L3MBTL4: variants seen among roughly 807,000 people sequenced by gnomAD.
L3MBTL4 encodes the protein lethal(3)malignant brain tumor-like protein 4.
L3MBTL4 carries 70 observed loss-of-function variants against 84.5 expected under a neutral mutation model. The observed-to-expected ratio is 0.83, with a 90% CI of 0.68 to 1.01. L3MBTL4 has a LOEUF of 1.01. L3MBTL4 is among the 50% of genes least tolerant of loss of function. The pLI, the probability that L3MBTL4 is intolerant of heterozygous loss-of-function variation, is 0.00. For synonymous variants in L3MBTL4, 274 were observed against 259.8 expected (o/e 1.05, Z -0.52); for missense variants, 715 against 754.8 (o/e 0.95, Z 0.62).
intron 1 of L3MBTL4, among the ~76,000 whole-genome samples, chr18:6,312,782 T>C (rs2050900215): frequency 6.6e-6 from 1 of 152,194 alleles, no homozygotes; most frequent in South Asian, 2.1e-4. Context: ...ATTTATTGAA[T>C]TTACCTTCTT....
At position 5,972,734 on chromosome 18, in the gene L3MBTL4, G is replaced by A. The variant is rs547583016; in HGVS notation, c.1445-3172C>T. ...ATGCTTGTGTGTACTTGCCTCAGGA[G>A]CTCTGTGGCCTAGTGATCTCCCTAC... On this transcript the variant is annotated intron_variant, in intron 16 of 18. Transcript: ENST00000317931. 3.3e-5 allele frequency among the ~76,000 whole-genome samples: 5 copies of A among 152,200 alleles called. No individual in the cohort carries two copies. The East Asian group carries it at 9.6e-4, about 29-fold the overall frequency.
chr18:6,248,569 G>A (rs1405282324), intron 5 of L3MBTL4, among the ~76,000 whole-genome samples: 3 of 152,084 alleles, frequency 2.0e-5, no homozygotes, highest in African/African-American at 4.8e-5. Context: ...ACACCACCTC[G>A]TGGAGGTCAC....
At chr18:6,069,789 T>G (rs2057522072) in intron 16 of L3MBTL4, among the ~76,000 whole-genome samples, 1 of 152,122 alleles carries the variant, frequency 6.6e-6, no homozygotes, top group Admixed American at 6.5e-5. Flanking sequence ...AAAAGATGAC[T>G]CAGATAAATA....
intron 1 of L3MBTL4, among the ~76,000 whole-genome samples, chr18:6,407,717 G>T (rs1374772602): frequency 1.3e-5 from 2 of 152,174 alleles, no homozygotes; most frequent in African/African-American, 2.4e-5. Context: ...GTCACTAGTT[G>T]ACACAAAATC....
intron 16 of L3MBTL4, among the ~76,000 whole-genome samples, chr18:6,014,318 A>G (rs1345850111): frequency 6.6e-6 from 1 of 152,172 alleles, no homozygotes; most frequent in Non-Finnish European, 1.5e-5. Context: ...AAGAAGCCTG[A>G]TTTTCACAGA....
At chr18:6,068,805 A>G (rs2057483846) in intron 16 of L3MBTL4, among the ~76,000 whole-genome samples, 2 of 152,144 alleles carry the variant, frequency 1.3e-5, no homozygotes, top group African/African-American at 4.8e-5. Context: ...TGCACCCAGC[A>G]CTGCAATTGT....
At chr18:6,233,101 C>T (rs938590415) in intron 10 of L3MBTL4, among the ~76,000 whole-genome samples, 1 of 152,000 alleles carries the variant, frequency 6.6e-6, no homozygotes, top group African/African-American at 2.4e-5. Context: ...CAGAAAAGGC[C>T]TTTGACAAAA....
At position 6,312,013 on chromosome 18, in the gene L3MBTL4, T is replaced by C. The variant is rs1467067775; in HGVS notation, c.-47A>G. The stretch of plus-strand genomic sequence containing the variant: ...CTGTACTCACATGGTCTGACACGTA[T>C]TCTTGGTAAGAGGTCTTAGTCATAC... On this transcript the variant is annotated 5_prime_UTR_variant, in exon 2 of 19. Coordinates refer to ENST00000317931, the MANE Select transcript of L3MBTL4 (RefSeq NM_001330559.2). 5.8e-6 allele frequency: 1 copy of C among 172,122 alleles called. No homozygotes were observed. Among genetic ancestry groups the C allele is most frequent in the Non-Finnish European group, 1.2e-5 (1 of 80,476 alleles). The allele number at this position is 172,122 out of a possible 1,614,324, so 10.7% of individuals were successfully genotyped here.
intron 1 of L3MBTL4, among the ~76,000 whole-genome samples, chr18:6,323,636 G>T (rs988606332): frequency 6.6e-6 from 1 of 152,218 alleles, no homozygotes; most frequent in South Asian, 2.1e-4. Context: ...GCCTTCAAGA[G>T]GTGGCCTGGC....
chr18:6,093,675 T>C, intron 14 of L3MBTL4, 147 bp from the exon 15 acceptor site: 2 of 611,958 alleles, frequency 3.3e-6, no homozygotes. Context: ...AATAGTTTCT[T>C]TTCATATTGC....
intron 18 of L3MBTL4, among the ~76,000 whole-genome samples, chr18:5,958,550 CCT>C (rs1162546149): frequency 6.6e-6 from 1 of 152,144 alleles, no homozygotes; most frequent in Non-Finnish European, 1.5e-5. Context: ...TGGGTTTGAT[CCT>C]CCTGATAACC....
intron 1 of L3MBTL4, among the ~76,000 whole-genome samples, chr18:6,409,194 T>A (rs537804134): frequency 2.6e-5 from 4 of 152,334 alleles, no homozygotes; most frequent in Admixed American, 1.3e-4. Flanking sequence ...TGCTCTTGTA[T>A]GAATGGGCTT....
intron 3 of L3MBTL4, among the ~76,000 whole-genome samples, chr18:6,310,383 C>T (rs1343053057): frequency 6.6e-6 from 1 of 152,172 alleles, no homozygotes; most frequent in Non-Finnish European, 1.5e-5. Flanking sequence ...TGTTAATCAC[C>T]CCATTGCCCA....
rs992694853 is a variant in L3MBTL4, at chr18:6,329,151, CTTTTTTTTTT to C, written c.-90-17105_-90-17096del. ...TTTCTTTTGTTTCTTTTTTTCTTTT[CTTTTTTTTTT>C]TTTTTTTTTTGAGACGGAGTTTGGC... On this transcript the variant is annotated intron_variant, in intron 1 of 18. Coordinates refer to ENST00000317931, the MANE Select transcript of L3MBTL4 (RefSeq NM_001330559.2). Among the ~76,000 whole-genome samples the C allele has an allele frequency of 3.2e-5, 4 of 126,554 alleles. No individual in the cohort carries two copies. The South Asian group carries it at 7.7e-4, about 24-fold the overall frequency. 83.0% of individuals were successfully genotyped at this position (126,554 alleles called of 152,430 possible).
At chr18:6,202,792 G>A (rs1021236608) in intron 12 of L3MBTL4, among the ~76,000 whole-genome samples, 1 of 152,160 alleles carries the variant, frequency 6.6e-6, no homozygotes, top group African/African-American at 2.4e-5. Flanking sequence ...TTTGTGTATT[G>A]AGGAGTTCAG....
At chr18:6,279,737 A>G (rs537008588) in intron 4 of L3MBTL4, among the ~76,000 whole-genome samples, 51 of 152,360 alleles carry the variant, frequency 3.3e-4, no homozygotes, top group African/African-American at 1.2e-3. Context: ...ATAATCCCTC[A>G]TGAATACCAC....
intron 16 of L3MBTL4, among the ~76,000 whole-genome samples, chr18:6,055,238 G>GC (rs1377594760): frequency 6.6e-6 from 1 of 152,110 alleles, no homozygotes; most frequent in Non-Finnish European, 1.5e-5. Flanking sequence ...GCACAATGAA[G>GC]CCCCCCAAAG....
chr18:6,296,416 G>C (rs1233526139), intron 4 of L3MBTL4, among the ~76,000 whole-genome samples: 2 of 152,190 alleles, frequency 1.3e-5, no homozygotes, highest in Non-Finnish European at 2.9e-5. Context: ...TTAGGTAGGA[G>C]ATTTGGCATA....
At position 6,093,335 on chromosome 18, in the gene L3MBTL4, ATTTTTAAGAAGTTTC is replaced by A. The variant is rs1461526809; in HGVS notation, c.1373+5_1373+19del. On this transcript the variant is annotated splice_donor_5th_base_variant and intron_variant, in intron 15 of 18. Transcript: ENST00000317931. ...CTACATGGTTTACTTTCTGGCTCAC[ATTTTTAAGAAGTTTC>A]TTACCTGGGCTGACTGTTCACCTTT... is the stretch of plus-strand genomic sequence containing the variant. The A allele has an allele frequency of 1.3e-6, 2 of 1,579,032 alleles. No homozygotes were observed. Among genetic ancestry groups the A allele is most frequent in the Non-Finnish European group, 1.7e-6 (2 of 1,167,796 alleles).
Sources: gnomAD v4.1 joint callset for allele counts (sites outside exome capture counted in the v4.1 genomes callset) on GRCh38, gnomAD v4.1.1 for gene constraint, MANE v1.5 for transcripts, NCBI Gene and HGNC (gene_info 2026-07-23, HGNC 2026-07-21) for gene names.